The following PATJ variants were observed in gnomAD, a reference collection of about 807,000 sequenced individuals.
The protein encoded by PATJ is inaD-like protein.
In PATJ, 190 loss-of-function variants were observed where a neutral mutation model predicts 224.9. The observed-to-expected ratio is 0.84, with a 90% CI of 0.75 to 0.95. The LOEUF (loss-of-function observed/expected upper bound fraction) is 0.95, where lower values mean the gene tolerates loss of function less well. Among genes scored for constraint, PATJ ranks in the 40% least tolerant of loss-of-function variants. The pLI, the probability that PATJ is intolerant of heterozygous loss-of-function variation, is 0.00. For synonymous variants in PATJ, 769 were observed against 820.3 expected, an observed-to-expected ratio of 0.94 and a Z score of 1.07; for missense variants, 2,121 against 2,270.3, an observed-to-expected ratio of 0.93 and a Z score of 1.34.
At chr1:61,863,162 G>C (rs759382214) in intron 19 of PATJ, among the ~76,000 whole-genome samples, 1 of 149,366 alleles carries the variant, frequency 6.7e-6, no homozygotes, top group Non-Finnish European at 1.5e-5. Context: ...AGTCTCCCAA[G>C]TAGCTGGCAC....
intron 33 of PATJ, among the ~76,000 whole-genome samples, chr1:62,107,124 G>A (rs959309852): frequency 1.3e-5 from 2 of 152,014 alleles, no homozygotes; most frequent in African/African-American, 2.4e-5. Flanking sequence ...GGCTAACACG[G>A]TGAAACCCCG....
intron 27 of PATJ, among the ~76,000 whole-genome samples, chr1:61,988,083 C>A (rs535917821): frequency 6.6e-6 from 1 of 152,238 alleles, no homozygotes; most frequent in Non-Finnish European, 1.5e-5. Context: ...CCTGTGATCC[C>A]AGCTACTCAG....
Position 61,927,730 on chromosome 1 carries a change from A to G in PATJ, c.3571A>G (p.Arg1191Gly). ...CTTCTCTCAAATTTTGCATCTTCAG[A>G]GGCAAGGAACTGCTCCACCGCCAAT... ...NQDTQEKKEK[R>G]QGTAPPPMKL... is the part of the protein sequence containing the mutation. Residue 1191 changes from arginine (R) to glycine (G), a missense_variant and splice_region_variant, in exon 27 of 44, where the codon AGG (arginine) becomes GGG (glycine). Coordinates refer to ENST00000642238, the MANE Select transcript of PATJ (RefSeq NM_001350145.3). 6.2e-7 allele frequency: 1 copy of G among 1,607,714 alleles called. No homozygotes were observed. Among genetic ancestry groups the G allele is most frequent in the Non-Finnish European group, 8.5e-7 (1 of 1,176,370 alleles).
intron 23 of PATJ, among the ~76,000 whole-genome samples, chr1:61,900,511 C>T (rs901375412): frequency 2.6e-5 from 4 of 152,168 alleles, no homozygotes; most frequent in African/African-American, 4.8e-5. Flanking sequence ...ACTTGGACAA[C>T]GAGCCACTCA....
intron 28 of PATJ, among the ~76,000 whole-genome samples, chr1:62,010,907 C>T (rs1209730934): frequency 6.6e-6 from 1 of 152,214 alleles, no homozygotes; most frequent in East Asian, 1.9e-4. Flanking sequence ...GTTTCTACAT[C>T]ATCACTTGCT....
intron 27 of PATJ, among the ~76,000 whole-genome samples, chr1:61,961,518 T>C (rs1389577093): frequency 6.6e-6 from 1 of 152,192 alleles, no homozygotes; most frequent in African/African-American, 2.4e-5. Flanking sequence ...AATGTTTTAT[T>C]ATAATTTATC....
intron 23 of PATJ, among the ~76,000 whole-genome samples, 157 bp from the exon 24 acceptor site, chr1:61,901,125 A>G (rs2149163248): frequency 6.6e-6 from 1 of 152,368 alleles, no homozygotes; most frequent in African/African-American, 2.4e-5. Flanking sequence ...TGATAACATA[A>G]TGTTGGAACT....
chr1:61,938,375 G>A (rs1183351078), intron 27 of PATJ, among the ~76,000 whole-genome samples: 1 of 151,652 alleles, frequency 6.6e-6, no homozygotes, highest in African/African-American at 2.4e-5. Context: ...GAGAGGGTGG[G>A]GTGTTTAAAA....
intron 17 of PATJ, among the ~76,000 whole-genome samples, chr1:61,852,103 G>C (rs1300884896): frequency 7.3e-6 from 1 of 136,902 alleles, no homozygotes; most frequent in Non-Finnish European, 1.5e-5. Context: ...CTGGGTGACA[G>C]AGAGGGATTC....
chr1:62,025,240 G>A (rs555483055), intron 29 of PATJ, among the ~76,000 whole-genome samples: 1 of 152,084 alleles, frequency 6.6e-6, no homozygotes, highest in South Asian at 2.1e-4. Flanking sequence ...TCCTTCAAAC[G>A]ACTTTAGCAG....
rs190510029 is a variant in PATJ, at chr1:62,086,898, A to G, written c.4377+2250A>G. Among the ~76,000 whole-genome samples, 138 of 152,230 alleles carry G rather than the reference A, an allele frequency of 9.1e-4. No individual in the cohort carries two copies. The highest frequency in any genetic ancestry group is 3.3e-3 in the African/African-American group (136 of 41,542). ...GGCTCTGTGGGGTCCCCTCGGCCAG[A>G]CCAGGTAGGGGTGCCTGCGACCCCT... On this transcript the variant is annotated intron_variant, in intron 33 of 43. Coordinates refer to ENST00000642238, the MANE Select transcript of PATJ (RefSeq NM_001350145.3). This position sits in a 1 kb window ranked among gnomAD's most constrained non-coding sequence, Gnocchi z 4.0.
Position 61,763,156 on chromosome 1 carries a change from T to A in PATJ, c.166T>A (p.Ser56Thr), listed in dbSNP as rs929925443. ...CAACCAGATACTCACACTTCAGCAG[T>A]CCATCAAGCAACTGAAGGGTCAAGT... is the stretch of plus-strand genomic sequence containing the variant. ...LFNQILTLQQ[S>T]IKQLKGQLNH... The change falls in exon 3 of 44, where the codon TCC becomes ACC. Residue 56 changes from serine (S) to threonine (T), a missense_variant. By Grantham distance (58) the Ser-to-Thr change is moderately conservative. Transcript: ENST00000642238. The A allele has an allele frequency of 6.3e-7, 1 of 1,590,052 alleles. No individual in the cohort carries two copies. Among genetic ancestry groups the A allele is most frequent in the Non-Finnish European group, 8.6e-7 (1 of 1,169,310 alleles).
At position 61,968,724 on chromosome 1, in the gene PATJ, G is replaced by A. The variant is rs190217486; in HGVS notation, c.3671-21444G>A. On this transcript the variant is annotated intron_variant, in intron 27 of 43. Coordinates refer to ENST00000642238, the MANE Select transcript of PATJ (RefSeq NM_001350145.3). ...TCCCTCCCCGCTCCCACCACCCCAC[G>A]ACAGGCCCCCGTGTGTGATGTTCCC... 8.1e-4 allele frequency among the ~76,000 whole-genome samples: 122 copies of A among 150,762 alleles called. 1 individual carries two copies. In the Middle Eastern group the frequency reaches 0.01, roughly 13 times the overall value.
rs200327470 is a variant in PATJ, at chr1:61,795,582, G to A, written c.1260+24G>A. The A allele has an allele frequency of 8.6e-5, 123 of 1,429,588 alleles. 2 individuals carry two copies. The Middle Eastern group carries it at 2.8e-3, about 33-fold the overall frequency. 88.6% of individuals were successfully genotyped at this position (1,429,588 alleles called of 1,614,324 possible). ...CTGTAAGTAACTCGCCTCTGTTTTA[G>A]GTTTGATTCTAGTTGAAAAAAAGGT... On this transcript the variant is annotated intron_variant, in intron 10 of 43. Coordinates refer to ENST00000642238, the MANE Select transcript of PATJ (RefSeq NM_001350145.3).
chr1:61,812,960 T>C (rs1430832097), intron 14 of PATJ, among the ~76,000 whole-genome samples: 1 of 152,140 alleles, frequency 6.6e-6, no homozygotes, highest in Non-Finnish European at 1.5e-5. Flanking sequence ...TCCTTAGTAG[T>C]GTGGACTGCT....
chr1:62,001,036 G>C (rs989203101), intron 28 of PATJ, among the ~76,000 whole-genome samples: 1 of 151,944 alleles, frequency 6.6e-6, no homozygotes, highest in Non-Finnish European at 1.5e-5. Flanking sequence ...TGATGGGGTT[G>C]TTTGTTTTTT....
At chr1:61,954,957 G>C (rs1465808597) in intron 27 of PATJ, among the ~76,000 whole-genome samples, 1 of 152,014 alleles carries the variant, frequency 6.6e-6, no homozygotes, top group Admixed American at 6.5e-5. Flanking sequence ...GTTTCACCAT[G>C]TTAGCCAGGA....
intron 37 of PATJ, among the ~76,000 whole-genome samples, chr1:62,119,928 A>G (rs1407372754): frequency 6.6e-6 from 1 of 152,198 alleles, no homozygotes; most frequent in African/African-American, 2.4e-5. Flanking sequence ...TGGGTGACAG[A>G]GGGAGACTCC....
chr1:61,822,187 T>G (rs1183226982), intron 14 of PATJ, among the ~76,000 whole-genome samples: 4 of 152,090 alleles, frequency 2.6e-5, no homozygotes, highest in Non-Finnish European at 5.9e-5. Context: ...GACTCTGCAT[T>G]CAGGTAAGGA....
Sources: allele counts gnomAD v4.1 joint callset (sites outside exome capture counted in the v4.1 genomes callset), GRCh38; gene constraint gnomAD v4.1.1; non-coding constraint Gnocchi (gnomAD v3.1); transcripts MANE v1.5; gene names NCBI Gene and HGNC (gene_info 2026-07-23, HGNC 2026-07-21).